Variants in UMAD1 observed in about 807,000 individuals in gnomAD.
UMAD1 encodes the protein UBAP1-MVB12-associated (UMA)-domain containing protein 1.
Under a neutral mutation model 6.1 loss-of-function variants are expected in UMAD1, and 8 were observed. The ratio of observed to expected loss-of-function variants is 1.30; its 90% CI spans 0.76 to 2.35. The LOEUF (loss-of-function observed/expected upper bound fraction) is 2.35, where lower values mean the gene tolerates loss of function less well. UMAD1 is among the 30% of genes most tolerant of loss of function. UMAD1 has a pLI of 0.00. For missense variants in UMAD1, 130 were observed against 78.4 expected (o/e 1.66, Z -2.49); for synonymous variants, 56 against 31.4 (o/e 1.78, Z -2.61).
At chr7:7,649,377 C>T (rs534046298) in intron 1 of UMAD1, among the ~76,000 whole-genome samples, 1 of 152,136 alleles carries the variant, frequency 6.6e-6, no homozygotes, top group South Asian at 2.1e-4. Flanking sequence ...TAACTTAACC[C>T]ACTCTAGCAA....
intron 3 of UMAD1, among the ~76,000 whole-genome samples, chr7:7,851,065 G>A (rs563258644): frequency 6.6e-6 from 1 of 152,046 alleles, no homozygotes. Context: ...TTGATATGTT[G>A]GAAGTAAAAG....
chr7:7,671,918 C>A (rs1779615282), intron 1 of UMAD1, among the ~76,000 whole-genome samples: 1 of 151,960 alleles, frequency 6.6e-6, no homozygotes, highest in Admixed American at 6.6e-5. Context: ...TTGTGTTTTT[C>A]TTCTCCATTT....
At chr7:7,855,022 C>T (rs1420506373) in intron 3 of UMAD1, among the ~76,000 whole-genome samples, 1 of 152,234 alleles carries the variant, frequency 6.6e-6, no homozygotes, top group Non-Finnish European at 1.5e-5. Flanking sequence ...AAATACTCTG[C>T]TTTGACTCCA....
intron 2 of UMAD1, among the ~76,000 whole-genome samples, chr7:7,677,275 T>C (rs1345258841): frequency 6.6e-6 from 1 of 152,300 alleles, no homozygotes; most frequent in South Asian, 2.1e-4. Flanking sequence ...CTTTTAGTTA[T>C]TTAAAAATAT....
intron 2 of UMAD1, among the ~76,000 whole-genome samples, chr7:7,699,109 C>T (rs1423004526): frequency 1.3e-5 from 2 of 151,722 alleles, no homozygotes; most frequent in African/African-American, 4.8e-5. Context: ...CCTGCCTTGG[C>T]TTCCAAAGTG....
chr7:7,752,713 T>C (rs35492695), intron 2 of UMAD1, among the ~76,000 whole-genome samples: 25,418 of 152,106 alleles, frequency 0.17, 2,228 homozygotes, highest in African/African-American at 0.21. Context: ...TCAAAATATG[T>C]ATAATCAAAA....
At chr7:7,813,469 G>T (rs1233924924) in intron 3 of UMAD1, among the ~76,000 whole-genome samples, 2 of 152,180 alleles carry the variant, frequency 1.3e-5, no homozygotes, top group Non-Finnish European at 2.9e-5. Flanking sequence ...CTCCCAAAGT[G>T]CTGGGATTAC....
chr7:7,801,732 C>T lies in UMAD1; in HGVS notation c.145C>T (p.Gln49Ter). 1 of 717,962 alleles carries T rather than the reference C, an allele frequency of 1.4e-6. No homozygotes were observed. The highest frequency in any genetic ancestry group is 2.6e-6 in the Non-Finnish European group (1 of 385,170). 44.5% of individuals were successfully genotyped at this position (717,962 alleles called of 1,614,324 possible). The change falls in exon 3 of 4, where the codon CAA (glutamine) becomes TAA (stop). Residue 49 changes from glutamine to a stop codon, truncating the protein, a stop_gained. Coordinates refer to ENST00000682710, the MANE Select transcript of UMAD1 (RefSeq NM_001302348.2). LOFTEE classifies it high-confidence loss of function. ...CAAAACTTCGGACATAGAGGCCAAC[C>T]AACCTTTGGAGGTAAGTGAAACAGA... ...RGKTSDIEANQPLETNKENSS... is the reference protein window; with the variant it reads ...RGKTSDIEAN
At chr7:7,691,625 C>T (rs1014974193) in intron 2 of UMAD1, among the ~76,000 whole-genome samples, 15 of 152,194 alleles carry the variant, frequency 9.9e-5, no homozygotes, top group Non-Finnish European at 1.9e-4. Context: ...ATTCTCTATC[C>T]AGTGACTGAG....
Position 7,878,704 on chromosome 7 carries a change from C to T in UMAD1, c.*1166C>T, listed in dbSNP as rs887623423. 9 of 152,098 alleles carry T rather than the reference C, an allele frequency of 5.9e-5. No homozygotes were observed. Among genetic ancestry groups the T allele is most frequent in the Admixed American group, 1.3e-4 (2 of 15,258 alleles). 9.4% of individuals were successfully genotyped at this position (152,098 alleles called of 1,614,324 possible). A position where few individuals can be genotyped will look rare whatever the true frequency, so the allele number is the denominator to read the frequency against. On this transcript the variant is annotated 3_prime_UTR_variant, in exon 4 of 4. Transcript: ENST00000682710. ...ATATTTTTTCACAAAGATAGAGTGC[C>T]ATAGTGAAACTAAACACTGTGCATA...
intron 1 of UMAD1, among the ~76,000 whole-genome samples, chr7:7,672,501 C>A (rs28915987): frequency 6.6e-6 from 1 of 152,142 alleles, no homozygotes; most frequent in African/African-American, 2.4e-5. Flanking sequence ...TTTGTCCCCA[C>A]CCAAATCTCA....
chr7:7,763,708 C>T (rs1781935473), intron 2 of UMAD1, among the ~76,000 whole-genome samples: 1 of 152,188 alleles, frequency 6.6e-6, no homozygotes, highest in South Asian at 2.1e-4. Flanking sequence ...GAAACCCCAT[C>T]TCTACTAAAA....
At chr7:7,875,933 C>G (rs1401632552) in intron 3 of UMAD1, among the ~76,000 whole-genome samples, 2 of 152,126 alleles carry the variant, frequency 1.3e-5, no homozygotes, top group African/African-American at 4.8e-5. Flanking sequence ...CAAAAATTAG[C>G]CAAGCATGGT....
In UMAD1 at chr7:7,856,096, A is replaced by G. The variant is rs373447494; in HGVS notation, c.157-21185A>G. Reference sequence around the variant, plus strand: ...TCTCTAGGAAGTTCCAGACTTTACTACGTCTTCTAGTCTTCTTCTGAGTCC... The same window carrying G: ...TCTCTAGGAAGTTCCAGACTTTACTGCGTCTTCTAGTCTTCTTCTGAGTCC... On this transcript the variant is annotated intron_variant, in intron 3 of 3. Transcript: ENST00000682710. Among the ~76,000 whole-genome samples the G allele has an allele frequency of 2.3e-4, 35 of 152,302 alleles. No homozygotes were observed. The South Asian group carries it at 6.4e-3, about 28-fold the overall frequency.
chr7:7,858,222 G>A (rs559687368), intron 3 of UMAD1, among the ~76,000 whole-genome samples: 2 of 152,282 alleles, frequency 1.3e-5, no homozygotes, highest in African/African-American at 4.8e-5. Context: ...GCTTAAGACC[G>A]ATTTGATGTA....
chr7:7,652,407 A>G (rs895768986), intron 1 of UMAD1, among the ~76,000 whole-genome samples: 2 of 152,164 alleles, frequency 1.3e-5, no homozygotes, highest in South Asian at 4.1e-4. Flanking sequence ...CTTTACATAC[A>G]TTTTGTTGTA....
At chr7:7,819,208 C>A (rs567699372) in intron 3 of UMAD1, among the ~76,000 whole-genome samples, 5 of 152,174 alleles carry the variant, frequency 3.3e-5, no homozygotes, top group African/African-American at 1.2e-4. Flanking sequence ...GATTTTTAGC[C>A]CCATAGTACA....
intron 2 of UMAD1, among the ~76,000 whole-genome samples, chr7:7,772,784 G>A (rs1782126271): frequency 6.6e-6 from 1 of 152,186 alleles, no homozygotes; most frequent in African/African-American, 2.4e-5. Flanking sequence ...ACTTTAGATG[G>A]TAGGGTACAG....
At chr7:7,781,386 G>C (rs1028669805) in intron 2 of UMAD1, among the ~76,000 whole-genome samples, 1 of 151,398 alleles carries the variant, frequency 6.6e-6, no homozygotes. Context: ...TTTTTTAGTG[G>C]AAATTTAAAA....
Sources: allele counts gnomAD v4.1 joint callset (sites outside exome capture counted in the v4.1 genomes callset), GRCh38; gene constraint gnomAD v4.1.1; transcripts MANE v1.5; gene names NCBI Gene and HGNC (gene_info 2026-07-23, HGNC 2026-07-21).